PDE4D: variants seen among roughly 807,000 people sequenced by gnomAD.
The protein encoded by PDE4D is phosphodiesterase 4D.
In PDE4D, 24 loss-of-function variants were observed where a neutral mutation model predicts 87.4. The observed-to-expected ratio is 0.27, with a 90% CI of 0.20 to 0.39. The LOEUF is 0.39. PDE4D is among the 10% of genes least tolerant of loss of function. The pLI is 1.00. For missense variants in PDE4D, 714 were observed against 1,041.0 expected, an observed-to-expected ratio of 0.69 and a Z score of 4.32; for synonymous variants, 384 against 383.2, an observed-to-expected ratio of 1.00 and a Z score of -0.02.
intron 1 of PDE4D, among the ~76,000 whole-genome samples, chr5:60,245,939 G>T (rs1179302516): frequency 6.6e-6 from 1 of 151,864 alleles, no homozygotes; most frequent in African/African-American, 2.4e-5. Flanking sequence ...TAATTGGATT[G>T]TTTGTAACAC....
intron 2 of PDE4D, among the ~76,000 whole-genome samples, chr5:60,067,490 T>C (rs1772230883): frequency 6.6e-6 from 1 of 152,096 alleles, no homozygotes; most frequent in African/African-American, 2.4e-5. Context: ...AATTTAGAAA[T>C]TCTAATTGAG....
intron 1 of PDE4D, among the ~76,000 whole-genome samples, chr5:59,386,731 G>C (rs1037547631): frequency 6.6e-6 from 1 of 151,852 alleles, no homozygotes; most frequent in Non-Finnish European, 1.5e-5. Flanking sequence ...AAGAGAAAGA[G>C]AAAAGACAAA....
chr5:59,429,633 T>C (rs987071454), intron 1 of PDE4D, among the ~76,000 whole-genome samples: 1 of 152,292 alleles, frequency 6.6e-6, no homozygotes, highest in East Asian at 1.9e-4. Context: ...GAATGGAACA[T>C]CTTTATAAAT....
In PDE4D at chr5:59,139,685, G is replaced by T. The variant is rs182897033; in HGVS notation, c.808+40910C>A. Among the ~76,000 whole-genome samples, 31 of 151,042 alleles carry T rather than the reference G, an allele frequency of 2.1e-4. No individual in the cohort carries two copies. The East Asian group carries it at 3.1e-3, about 15-fold the overall frequency. On this transcript the variant is annotated intron_variant, in intron 5 of 14. Coordinates refer to ENST00000340635, the MANE Select transcript of PDE4D (RefSeq NM_001104631.2). ...GGTAGAGATGGGGTTTTGCCATGTT[G>T]TCCAGGCTGGTCTCAAACTCCTGGG... is the stretch of plus-strand genomic sequence containing the variant.
At chr5:60,290,946 A>T (rs554200692) in intron 1 of PDE4D, among the ~76,000 whole-genome samples, 1 of 152,352 alleles carries the variant, frequency 6.6e-6, no homozygotes, top group South Asian at 2.1e-4. Flanking sequence ...ATACAAATAG[A>T]CAAATAGTAA....
chr5:59,808,694 G>A (rs930314371), intron 1 of PDE4D, among the ~76,000 whole-genome samples: 4 of 152,106 alleles, frequency 2.6e-5, no homozygotes, highest in Non-Finnish European at 5.9e-5. Flanking sequence ...CCCAGATACC[G>A]AGAGATTTTG....
At chr5:59,962,887 T>G (rs1759628769) in intron 3 of PDE4D, among the ~76,000 whole-genome samples, 2 of 152,184 alleles carry the variant, frequency 1.3e-5, no homozygotes, top group Non-Finnish European at 2.9e-5. Flanking sequence ...ATTATATTAG[T>G]AATTGTTATT....
intron 5 of PDE4D, chr5:59,090,993 G>A (rs188068798): frequency 2.0e-5 from 8 of 394,324 alleles, no homozygotes; most frequent in Admixed American, 1.8e-4. Flanking sequence ...CAGAAATGCT[G>A]TTTAGAAAGT....
intron 1 of PDE4D, among the ~76,000 whole-genome samples, chr5:59,448,314 G>A (rs1798638664): frequency 6.6e-6 from 1 of 152,128 alleles, no homozygotes; most frequent in Admixed American, 6.6e-5. Context: ...AGGAGATTTT[G>A]CCTATTTCCC....
chr5:59,175,445 A>C (rs906361562), intron 5 of PDE4D, among the ~76,000 whole-genome samples: 10 of 147,434 alleles, frequency 6.8e-5, no homozygotes, highest in African/African-American at 2.5e-4. Context: ...TCCTCATCAC[A>C]TTCGGAACTC....
chr5:59,731,650 G>A (rs1321923067), intron 1 of PDE4D, among the ~76,000 whole-genome samples: 1 of 152,104 alleles, frequency 6.6e-6, no homozygotes, highest in East Asian at 1.9e-4. Flanking sequence ...CATTTTGAAG[G>A]AGCTGGTGCC....
At chr5:60,416,323 C>T (rs896137342) in intron 1 of PDE4D, among the ~76,000 whole-genome samples, 1 of 152,242 alleles carries the variant, frequency 6.6e-6, no homozygotes, top group Non-Finnish European at 1.5e-5. Context: ...TGGCAACCTG[C>T]TGGGGTCCCC....
At chr5:60,068,417 G>GTTAT (rs56351714) in intron 2 of PDE4D, among the ~76,000 whole-genome samples, 47,070 of 150,566 alleles carry the variant, frequency 0.31, 7,896 homozygotes, top group East Asian at 0.74. Flanking sequence ...TTTAAATCAG[G>GTTAT]TTATTTATTT....
chr5:59,691,372 A>T (rs1182838797), intron 1 of PDE4D, among the ~76,000 whole-genome samples: 1 of 152,148 alleles, frequency 6.6e-6, no homozygotes, highest in East Asian at 1.9e-4. Flanking sequence ...CATATACACC[A>T]TGGAATACTA....
intron 3 of PDE4D, among the ~76,000 whole-genome samples, chr5:59,932,649 G>A (rs1474401526): frequency 6.6e-6 from 1 of 152,146 alleles, no homozygotes; most frequent in Admixed American, 6.5e-5. Flanking sequence ...CAAAGATTGT[G>A]ATAAATGATT....
intron 1 of PDE4D, among the ~76,000 whole-genome samples, chr5:59,641,723 CAAAT>C (rs922213333): frequency 2.0e-5 from 3 of 152,048 alleles, no homozygotes; most frequent in Non-Finnish European, 2.9e-5. Context: ...TACTAATAAT[CAAAT>C]AAATAAATGA....
At chr5:60,107,408 C>A (rs1468145655) in intron 2 of PDE4D, among the ~76,000 whole-genome samples, 1 of 152,154 alleles carries the variant, frequency 6.6e-6, no homozygotes, top group Non-Finnish European at 1.5e-5. Flanking sequence ...GATGGATTCA[C>A]AGCCGAATTC....
At chr5:60,286,100 G>A (rs1022048458) in intron 1 of PDE4D, among the ~76,000 whole-genome samples, 1 of 152,102 alleles carries the variant, frequency 6.6e-6, no homozygotes, top group African/African-American at 2.4e-5. Flanking sequence ...TCTCTTTACC[G>A]TCACCATGAA....
chr5:59,307,688 A>G lies in PDE4D; in HGVS notation c.456-91720T>C, dbSNP rs1207123747. Among the ~76,000 whole-genome samples, 105 of 151,410 alleles carry G rather than the reference A, an allele frequency of 6.9e-4. 1 individual carries two copies. Among genetic ancestry groups the G allele is most frequent in the Middle Eastern group, 3.4e-3 (1 of 292 alleles). On this transcript the variant is annotated intron_variant, in intron 1 of 14. Transcript: ENST00000340635. ...ACCATCTCACATCAGTTAGAATGGCAATCATTCAAAAGTCAGGAAACAACA... is the reference window on the plus strand; with the variant it reads ...ACCATCTCACATCAGTTAGAATGGCGATCATTCAAAAGTCAGGAAACAACA...
Sources: gnomAD v4.1 joint callset for allele counts (sites outside exome capture counted in the v4.1 genomes callset) on GRCh38, gnomAD v4.1.1 for gene constraint, MANE v1.5 for transcripts, NCBI Gene and HGNC (gene_info 2026-07-23, HGNC 2026-07-21) for gene names.